The following KIF16B variants were observed in gnomAD, a reference collection of about 807,000 sequenced individuals.
KIF16B encodes kinesin family member 16B.
In KIF16B, 98 loss-of-function variants were observed where a neutral mutation model predicts 156.3. The ratio of observed to expected loss-of-function variants is 0.63; its 90% CI spans 0.53 to 0.74. The LOEUF (loss-of-function observed/expected upper bound fraction) is 0.74, where lower values mean the gene tolerates loss of function less well. KIF16B is among the 30% of genes least tolerant of loss of function. The probability of loss-of-function intolerance (pLI) is 0.00; values close to 1 mark genes in which losing one functional copy is unlikely to be tolerated. For missense variants in KIF16B, 1,421 were observed against 1,606.5 expected, an observed-to-expected ratio of 0.88 and a Z score of 1.97; for synonymous variants, 564 against 583.7, an observed-to-expected ratio of 0.97 and a Z score of 0.49.
At chr20:16,345,987 T>C (rs906941274) in intron 23 of KIF16B, among the ~76,000 whole-genome samples, 15 of 152,262 alleles carry the variant, frequency 9.9e-5, no homozygotes, top group African/African-American at 3.6e-4. Context: ...GGCAGAGCTC[T>C]GCAGCCAGGT....
At chr20:16,384,122 G>T (rs116626342) in intron 17 of KIF16B, among the ~76,000 whole-genome samples, 34 of 152,310 alleles carry the variant, frequency 2.2e-4, no homozygotes, top group African/African-American at 7.9e-4. Context: ...CTAGTGAGCT[G>T]CAAGGTCTCA....
intron 23 of KIF16B, among the ~76,000 whole-genome samples, chr20:16,347,974 T>C (rs1279730845): frequency 2.0e-5 from 3 of 152,230 alleles, no homozygotes; most frequent in African/African-American, 7.2e-5. Context: ...AGAAATTTCT[T>C]GGACTGCAAA....
At chr20:16,390,564 T>C (rs1251181173) in intron 17 of KIF16B, among the ~76,000 whole-genome samples, 4 of 152,068 alleles carry the variant, frequency 2.6e-5, no homozygotes, top group Non-Finnish European at 5.9e-5. Context: ...AGGGCCCAGG[T>C]GAACTCCTTT....
chr20:16,567,254 G>A (rs1193253612), intron 1 of KIF16B, among the ~76,000 whole-genome samples: 1 of 152,122 alleles, frequency 6.6e-6, no homozygotes, highest in African/African-American at 2.4e-5. Flanking sequence ...GGCTGACAAT[G>A]CCAACTTCCA....
intron 15 of KIF16B, among the ~76,000 whole-genome samples, chr20:16,422,423 A>G (rs1395650724): frequency 6.6e-6 from 1 of 152,098 alleles, no homozygotes; most frequent in Admixed American, 6.6e-5. Context: ...CACGGCAGGA[A>G]CATTGCTGGT....
At chr20:16,527,323 T>C (rs1017643211) in intron 2 of KIF16B, among the ~76,000 whole-genome samples, 1 of 152,200 alleles carries the variant, frequency 6.6e-6, no homozygotes, top group African/African-American at 2.4e-5. Flanking sequence ...GGCTGCCCAG[T>C]TGGAAGATGG....
In KIF16B at chr20:16,398,407, G is replaced by T. The variant is rs1262224308; in HGVS notation, c.1784+6406C>A. Among the ~76,000 whole-genome samples the T allele has an allele frequency of 2.0e-5, 3 of 152,162 alleles. No homozygotes were observed. The South Asian group carries it at 6.2e-4, about 32-fold the overall frequency. On this transcript the variant is annotated intron_variant, in intron 17 of 25. Coordinates refer to ENST00000354981, the MANE Select transcript of KIF16B (RefSeq NM_024704.5). ...GGCCAGAAGCTGAGAAGAGGAGGAG[G>T]GGGTGACCAGGAAGGGCTAAGGAGG...
intron 14 of KIF16B, among the ~76,000 whole-genome samples, chr20:16,428,615 T>G (rs187256665): frequency 6.6e-6 from 1 of 152,298 alleles, no homozygotes; most frequent in Admixed American, 6.5e-5. Context: ...TGTTGGTATA[T>G]TTCCATCAAT....
At chr20:16,440,529 G>GCA (rs2066763337) in intron 12 of KIF16B, among the ~76,000 whole-genome samples, 7 of 81,810 alleles carry the variant, frequency 8.6e-5, no homozygotes, top group African/African-American at 2.1e-4. Context: ...ACACACAAGC[G>GCA]CGCGCACACA....
intron 1 of KIF16B, among the ~76,000 whole-genome samples, chr20:16,532,383 T>A (rs2069792671): frequency 6.6e-6 from 1 of 152,168 alleles, no homozygotes; most frequent in African/African-American, 2.4e-5. Context: ...ATTTGGGAAC[T>A]ACAGCAGATT....
At chr20:16,562,553 A>G (rs2071101393) in intron 1 of KIF16B, among the ~76,000 whole-genome samples, 1 of 152,184 alleles carries the variant, frequency 6.6e-6, no homozygotes, top group Non-Finnish European at 1.5e-5. Flanking sequence ...ACAGAAAGTA[A>G]GAGGCATGTG....
At chr20:16,374,648 T>C (rs940139012) in intron 19 of KIF16B, among the ~76,000 whole-genome samples, 1 of 152,200 alleles carries the variant, frequency 6.6e-6, no homozygotes, top group African/African-American at 2.4e-5. Flanking sequence ...TAATTTTGAC[T>C]ACCAAGAGCA....
intron 12 of KIF16B, among the ~76,000 whole-genome samples, chr20:16,438,622 C>T (rs2066711712): frequency 6.6e-6 from 1 of 152,094 alleles, no homozygotes; most frequent in Non-Finnish European, 1.5e-5. Context: ...AAAGGAGAAA[C>T]AGTCACCAAG....
chr20:16,532,926 A>G (rs1033224345), intron 1 of KIF16B, among the ~76,000 whole-genome samples: 1 of 152,184 alleles, frequency 6.6e-6, no homozygotes, highest in Admixed American at 6.5e-5. Context: ...TGGAGCAGCT[A>G]AATTTAAAGG....
intron 18 of KIF16B, 43 bp from the exon 19 acceptor site, chr20:16,380,206 C>A: frequency 7.0e-7 from 1 of 1,433,414 alleles, no homozygotes; most frequent in South Asian, 1.8e-5. Context: ...GGTCATTGTT[C>A]AAATGTTGCT....
At chr20:16,463,030 G>C (rs1001244094) in intron 12 of KIF16B, among the ~76,000 whole-genome samples, 2 of 152,048 alleles carry the variant, frequency 1.3e-5, no homozygotes, top group African/African-American at 4.8e-5. Flanking sequence ...CCAGATCTTC[G>C]TGCACTATGC....
chr20:16,360,330 G>C (rs2064527882), intron 22 of KIF16B, among the ~76,000 whole-genome samples: 1 of 152,102 alleles, frequency 6.6e-6, no homozygotes, highest in African/African-American at 2.4e-5. Context: ...GTTTATACTA[G>C]ACATGCAAAT....
chr20:16,569,736 C>T (rs1443423998), intron 1 of KIF16B, among the ~76,000 whole-genome samples: 1 of 152,224 alleles, frequency 6.6e-6, no homozygotes, highest in African/African-American at 2.4e-5. Context: ...TCACAACCAA[C>T]TGAAACTTCT....
intron 17 of KIF16B, among the ~76,000 whole-genome samples, chr20:16,390,658 C>G (rs1169535027): frequency 2.0e-5 from 3 of 152,180 alleles, no homozygotes; most frequent in Non-Finnish European, 2.9e-5. Context: ...CCTTCTCAAC[C>G]AAACCATGGT....
Sources: allele counts gnomAD v4.1 joint callset (sites outside exome capture counted in the v4.1 genomes callset), GRCh38; gene constraint gnomAD v4.1.1; transcripts MANE v1.5; gene names NCBI Gene and HGNC (gene_info 2026-07-23, HGNC 2026-07-21).